The following EIF1AD variants were observed in gnomAD, a reference collection of about 807,000 sequenced individuals.
EIF1AD encodes the protein probable RNA-binding protein EIF1AD.
Under a neutral mutation model 21.7 loss-of-function variants are expected in EIF1AD, and 9 were observed. The observed-to-expected ratio is 0.41, with a 90% CI of 0.25 to 0.72. The LOEUF is 0.72. Among genes scored for constraint, EIF1AD ranks in the 30% least tolerant of loss-of-function variants. The probability of loss-of-function intolerance (pLI) is 0.29; values close to 1 mark genes in which losing one functional copy is unlikely to be tolerated. For missense variants in EIF1AD, 164 were observed against 199.7 expected (o/e 0.82, Z 1.08); for synonymous variants, 78 against 70.9 (o/e 1.10, Z -0.50).
chr11:65,998,927 A>G (rs1255705886), intron 5 of EIF1AD, among the ~76,000 whole-genome samples, 184 bp from the exon 6 acceptor site: 1 of 152,206 alleles, frequency 6.6e-6, no homozygotes, highest in African/African-American at 2.4e-5. Flanking sequence ...GAAACAGGCT[A>G]AAGACTGACC....
Position 65,998,798 on chromosome 11 carries a change from C to G in EIF1AD, c.354-55G>C, listed in dbSNP as rs186502722. Reference sequence around the variant, plus strand: ...CCAGCGCCTTCTGGGAAAATAATATCTACAATCAAGGAGTTCCAAAAAAAG... The same window carrying G: ...CCAGCGCCTTCTGGGAAAATAATATGTACAATCAAGGAGTTCCAAAAAAAG... On this transcript the variant is annotated intron_variant, in intron 5 of 5. Coordinates refer to ENST00000533544, the MANE Select transcript of EIF1AD (RefSeq NM_001242481.2). 2.5e-5 allele frequency: 40 copies of G among 1,592,310 alleles called. No homozygotes were observed. The African/African-American group carries it at 4.7e-4, about 19-fold the overall frequency.
intron 1 of EIF1AD, 29 bp from the exon 2 acceptor site, chr11:66,000,534 G>C: frequency 1.4e-6 from 1 of 730,434 alleles, no homozygotes; most frequent in Non-Finnish European, 2.3e-6. Flanking sequence ...TCTTGGTTAA[G>C]AACATGGGTT....
At position 65,997,352 on chromosome 11, in the gene EIF1AD, T is replaced by C. The variant is rs887144132; in HGVS notation, c.*1247A>G. The C allele has an allele frequency of 6.8e-5, 9 of 131,468 alleles. No homozygotes were observed. Among genetic ancestry groups the C allele is most frequent in the African/African-American group, 8.4e-5 (3 of 35,924 alleles). 8.1% of individuals were successfully genotyped at this position (131,468 alleles called of 1,614,324 possible). A position where few individuals can be genotyped will look rare whatever the true frequency, so the allele number is the denominator to read the frequency against. On this transcript the variant is annotated 3_prime_UTR_variant, in exon 6 of 6. Transcript: ENST00000533544. Reference sequence around the variant, plus strand: ...AAAAAAAAAAAAAAAAAAAAAAAGATAGTCTCCAAAACACAAGAGGTAAGG... The same window carrying C: ...AAAAAAAAAAAAAAAAAAAAAAAGACAGTCTCCAAAACACAAGAGGTAAGG...
intron 5 of EIF1AD, 50 bp downstream of exon 5, chr11:65,999,300 G>C (rs780803779): frequency 1.2e-6 from 2 of 1,613,072 alleles, no homozygotes; most frequent in Non-Finnish European, 1.7e-6. Context: ...AGGCACCAAA[G>C]CATGAACCCC....
rs1855876956 is a variant in EIF1AD at position 65,999,882 on chromosome 11, A to G, written c.196+171T>C. The G allele has an allele frequency of 4.6e-6, 3 of 650,180 alleles. No homozygotes were observed. The Admixed American group carries it at 8.3e-5, about 18-fold the overall frequency. The allele number at this position is 650,180 out of a possible 1,614,324, so 40.3% of individuals were successfully genotyped here. Reference sequence around the variant, plus strand: ...ACTGCAGCCTCCACCTCCCAGGCTCAAGTGATTCTCAGGCCTCAGCCTCCT... The same window carrying G: ...ACTGCAGCCTCCACCTCCCAGGCTCGAGTGATTCTCAGGCCTCAGCCTCCT... On this transcript the variant is annotated intron_variant, in intron 3 of 5. Coordinates refer to ENST00000533544, the MANE Select transcript of EIF1AD (RefSeq NM_001242481.2).
intron 3 of EIF1AD, 103 bp from the exon 4 acceptor site, chr11:65,999,778 C>T (rs72930954): frequency 0.054 from 43,253 of 803,618 alleles, 1,494 homozygotes; most frequent in Non-Finnish European, 0.066. Context: ...GCCTCTCTCA[C>T]CTCTCTCTTT....
intron 4 of EIF1AD, 83 bp from the exon 5 acceptor site, chr11:65,999,480 T>C: frequency 6.2e-7 from 1 of 1,606,256 alleles, no homozygotes; most frequent in Middle Eastern, 1.7e-4. Flanking sequence ...CTGCCTGGGA[T>C]GCCATGACCT....
At position 66,000,295 on chromosome 11, in the gene EIF1AD, C is replaced by G. The variant is rs1181645697; in HGVS notation, c.87+8G>C. 1 of 1,613,370 alleles carries G rather than the reference C, an allele frequency of 6.2e-7. No individual in the cohort carries two copies. The highest frequency in any genetic ancestry group is 2.2e-5 in the East Asian group (1 of 44,888). The stretch of plus-strand genomic sequence containing the variant: ...GGAGCAGAACAGCTTGTGCCCCACG[C>G]CACTCACCCTGACAATCTGCTGCTG... On this transcript the variant is annotated splice_region_variant and intron_variant, in intron 2 of 5. Coordinates refer to ENST00000533544, the MANE Select transcript of EIF1AD (RefSeq NM_001242481.2).
chr11:65,998,841 G>T, intron 5 of EIF1AD, 98 bp from the exon 6 acceptor site: 1 of 1,378,796 alleles, frequency 7.3e-7, no homozygotes, highest in Non-Finnish European at 1.0e-6. Context: ...CGGCCCAGCA[G>T]TCAGGGCCCT....
chr11:66,000,482 CTGAAGATGGGGAGGGG>C lies in EIF1AD; in HGVS notation c.-109_-94del. ...GGCAGGCTCAGAACCCAGGACTGTT[CTGAAGATGGGGAGGGG>C]CCTTTTACTGAGGGGTGACACGGTG... On this transcript the variant is annotated 5_prime_UTR_variant, in exon 2 of 6. Transcript: ENST00000533544. 3 of 1,312,946 alleles carry C rather than the reference CTGAAGATGGGGAGGGG, an allele frequency of 2.3e-6. No homozygotes were observed. Among genetic ancestry groups the C allele is most frequent in the Non-Finnish European group, 2.1e-6 (2 of 939,012 alleles). 81.3% of individuals were successfully genotyped at this position (1,312,946 alleles called of 1,614,324 possible). A position where few individuals can be genotyped will look rare whatever the true frequency, so the allele number is the denominator to read the frequency against.
At chr11:65,999,766 C>T in intron 3 of EIF1AD, 91 bp from the exon 4 acceptor site, 1 of 873,982 alleles carries the variant, frequency 1.1e-6, no homozygotes, top group Non-Finnish European at 1.8e-6. Flanking sequence ...CTAGAGAGGG[C>T]TGCCTCTCTC....
At position 66,000,285 on chromosome 11, in the gene EIF1AD, G is replaced by A. The variant is rs780399408; in HGVS notation, c.87+18C>T. 1 of 1,613,182 alleles carries A rather than the reference G, an allele frequency of 6.2e-7. No homozygotes were observed. Among genetic ancestry groups the A allele is most frequent in the Non-Finnish European group, 8.5e-7 (1 of 1,179,612 alleles). On this transcript the variant is annotated intron_variant, in intron 2 of 5. Coordinates refer to ENST00000533544, the MANE Select transcript of EIF1AD (RefSeq NM_001242481.2). ...GCAGGGGTGGGGAGCAGAACAGCTT[G>A]TGCCCCACGCCACTCACCCTGACAA...
Position 65,998,471 on chromosome 11 carries a change from C to CAGTT in EIF1AD, c.*124_*127dup. 8.6e-7 allele frequency: 1 copy of CAGTT among 1,156,612 alleles called. No individual in the cohort carries two copies. Among genetic ancestry groups the CAGTT allele is most frequent in the Non-Finnish European group, 1.2e-6 (1 of 842,350 alleles). 71.6% of individuals were successfully genotyped at this position (1,156,612 alleles called of 1,614,324 possible). A position where few individuals can be genotyped will look rare whatever the true frequency, so the allele number is the denominator to read the frequency against. ...GGTTTAATTCTCTGAATCAAAAGAT[C>CAGTT]AGTTCAGAGAGGAGCCCTGCTTTGT... On this transcript the variant is annotated 3_prime_UTR_variant, in exon 6 of 6. Coordinates refer to ENST00000533544, the MANE Select transcript of EIF1AD (RefSeq NM_001242481.2).
chr11:66,000,335 T>A lies in EIF1AD; in HGVS notation c.55A>T (p.Ile19Leu). The A allele has an allele frequency of 6.2e-7, 1 of 1,613,494 alleles. No homozygotes were observed. Among genetic ancestry groups the A allele is most frequent in the Non-Finnish European group, 8.5e-7 (1 of 1,179,718 alleles). The change falls in exon 2 of 6, where the codon ATA becomes TTA. Residue 19 changes from isoleucine to leucine, a missense_variant. By Grantham distance (5) the Ile-to-Leu change is conservative (BLOSUM62 2). Transcript: ENST00000533544. ...ATCTGCTGCTGGTCGGAGGGCACTATGTGCTCCCCTAGCACCTCCTTCACC... is the reference window on the plus strand; with the variant it reads ...ATCTGCTGCTGGTCGGAGGGCACTAAGTGCTCCCCTAGCACCTCCTTCACC... The part of the protein sequence containing the change: ...HVVKEVLGEH[I>L]VPSDQQQIVR...
In EIF1AD at chr11:65,998,509, G is replaced by C; in HGVS notation, c.*90C>G. The C allele has an allele frequency of 6.7e-7, 1 of 1,496,832 alleles. No homozygotes were observed. Among genetic ancestry groups the C allele is most frequent in the South Asian group, 1.3e-5 (1 of 78,962 alleles). 92.7% of individuals were successfully genotyped at this position (1,496,832 alleles called of 1,614,324 possible). A position where few individuals can be genotyped will look rare whatever the true frequency, so the allele number is the denominator to read the frequency against. On this transcript the variant is annotated 3_prime_UTR_variant, in exon 6 of 6. Transcript: ENST00000533544. ...AGCCCTGCTTTGTCCTCATGCAGGGGTGAAGATGTGCAGAGCACCCTGGGA... is the reference window on the plus strand; with the variant it reads ...AGCCCTGCTTTGTCCTCATGCAGGGCTGAAGATGTGCAGAGCACCCTGGGA...
In EIF1AD at chr11:66,000,449, C is replaced by A; in HGVS notation, c.-60G>T. 6.6e-7 allele frequency: 1 copy of A among 1,522,984 alleles called. No homozygotes were observed. The highest frequency in any genetic ancestry group is 1.9e-5 in the Admixed American group (1 of 51,350). 94.3% of individuals were successfully genotyped at this position (1,522,984 alleles called of 1,614,324 possible). ...GACTGTCAACTCCTCCTCCTGAGTT[C>A]CTTGGATGGCAGGCTCAGAACCCAG... On this transcript the variant is annotated 5_prime_UTR_variant, in exon 2 of 6. Transcript: ENST00000533544.
chr11:66,001,380 G>C (rs765395086), intron 1 of EIF1AD, among the ~76,000 whole-genome samples: 9 of 149,346 alleles, frequency 6.0e-5, no homozygotes, highest in Non-Finnish European at 1.2e-4. Flanking sequence ...GCTGAGGCAG[G>C]AGAATGGCGT....
Position 65,999,560 on chromosome 11 carries a change from C to T in EIF1AD, c.305+7G>A. On this transcript the variant is annotated splice_region_variant and intron_variant, in intron 4 of 5. Coordinates refer to ENST00000533544, the MANE Select transcript of EIF1AD (RefSeq NM_001242481.2). ...CCAGACAGCCAATGATCAAGGGGAC[C>T]ACCTACCAAAACCCCTCCTTCTGCA... 13 of 1,610,450 alleles carry T rather than the reference C, an allele frequency of 8.1e-6. No homozygotes were observed. Among genetic ancestry groups the T allele is most frequent in the Non-Finnish European group, 1.1e-5 (13 of 1,177,196 alleles).
chr11:65,998,951 G>C (rs538094524), intron 5 of EIF1AD, among the ~76,000 whole-genome samples: 2 of 152,138 alleles, frequency 1.3e-5, no homozygotes, highest in Non-Finnish European at 2.9e-5. Context: ...CTCCCCAAAC[G>C]TGTGCCACAG....
Sources: allele counts gnomAD v4.1 joint callset (sites outside exome capture counted in the v4.1 genomes callset), GRCh38; gene constraint gnomAD v4.1.1; transcripts MANE v1.5; gene names NCBI Gene and HGNC (gene_info 2026-07-23, HGNC 2026-07-21).